The following YTHDC2 variants were observed in gnomAD, a reference collection of about 807,000 sequenced individuals.
YTHDC2 encodes YTH N6-methyladenosine RNA binding protein C2.
YTHDC2 carries 45 observed loss-of-function variants against 174.9 expected under a neutral mutation model. The ratio of observed to expected loss-of-function variants is 0.26; its 90% CI spans 0.20 to 0.33. The LOEUF (loss-of-function observed/expected upper bound fraction) is 0.33. Ranked by LOEUF, YTHDC2 falls within the 10% of genes least tolerant of loss-of-function variation. YTHDC2 has a pLI of 1.00. For synonymous variants in YTHDC2, 657 were observed against 574.5 expected, an observed-to-expected ratio of 1.14 and a Z score of -2.05; for missense variants, 1,650 against 1,723.7, an observed-to-expected ratio of 0.96 and a Z score of 0.76.
intron 21 of YTHDC2, 22 bp downstream of exon 21, chr5:113,566,041 G>A (rs1384392265): frequency 6.3e-7 from 1 of 1,583,936 alleles, no homozygotes; most frequent in East Asian, 2.3e-5. Flanking sequence ...CCCTCAAAGA[G>A]CCTATTTAAG....
Position 113,524,989 on chromosome 5 carries a change from C to T in YTHDC2, c.287C>T (p.Ala96Val). Residue 96 changes from alanine (A) to valine (V), a missense_variant, in exon 3 of 30, where the codon GCA becomes GTA. By Grantham distance (64) the Ala-to-Val change is moderately conservative. This residue lies in a region of YTHDC2 where 304 missense variants were observed against 341.4 expected (regional missense o/e 0.89). Coordinates refer to ENST00000161863, the MANE Select transcript of YTHDC2 (RefSeq NM_022828.5). ...GLVSKSKGKG[A>V]NRYLTVKKKD... ...TTTTTATTAATATTCAGAAAGGGAG[C>T]AAATAGATACCTAACTGTGAAGAAG... The T allele has an allele frequency of 6.3e-7, 1 of 1,595,238 alleles. No individual in the cohort carries two copies.
At chr5:113,533,275 G>T (rs938853696) in intron 5 of YTHDC2, among the ~76,000 whole-genome samples, 1 of 152,136 alleles carries the variant, frequency 6.6e-6, no homozygotes, top group Non-Finnish European at 1.5e-5. Flanking sequence ...GGACGCGGTG[G>T]CTCATGCCTG....
In YTHDC2 at chr5:113,592,049, C is replaced by G. The variant is rs375392392; in HGVS notation, c.4083C>G (p.Gly1361=). 1 of 1,612,764 alleles carries G rather than the reference C, an allele frequency of 6.2e-7. No homozygotes were observed. Among genetic ancestry groups the G allele is most frequent in the East Asian group, 2.2e-5 (1 of 44,822 alleles). ...EIGREKSQDW[G]SAGLGGVFKV... ...GAAGGGAAAAGAGTCAGGACTGGGGCTCTGCTGGACTAGGAGGAGTATTTA... is the reference window on the plus strand; with the variant it reads ...GAAGGGAAAAGAGTCAGGACTGGGGGTCTGCTGGACTAGGAGGAGTATTTA... The change falls in exon 28 of 30, where the codon GGC becomes GGG. Residue 1361 remains glycine, a synonymous_variant. Coordinates refer to ENST00000161863, the MANE Select transcript of YTHDC2 (RefSeq NM_022828.5).
chr5:113,579,790 C>T, intron 24 of YTHDC2, 95 bp downstream of exon 24: 1 of 1,348,630 alleles, frequency 7.4e-7, no homozygotes, highest in Non-Finnish European at 9.6e-7. Context: ...ACTATTGAGC[C>T]CTTAGTATCA....
intron 10 of YTHDC2, among the ~76,000 whole-genome samples, chr5:113,542,939 A>G (rs113257253): frequency 2.6e-5 from 4 of 152,238 alleles, no homozygotes; most frequent in African/African-American, 9.6e-5. Context: ...CCAGTATTTC[A>G]TACTTGGCTT....
intron 23 of YTHDC2, among the ~76,000 whole-genome samples, chr5:113,570,430 A>G (rs374668519): frequency 4.6e-5 from 7 of 151,966 alleles, no homozygotes; most frequent in African/African-American, 1.7e-4. Context: ...TTTTGTTGCA[A>G]TTGTGAATGT....
At position 113,518,556 on chromosome 5, in the gene YTHDC2, CGTGTGTGTGT is replaced by C. The variant is rs67062871; in HGVS notation, c.278+3229_278+3238del. Among the ~76,000 whole-genome samples, 1,026 of 144,536 alleles carry C rather than the reference CGTGTGTGTGT, an allele frequency of 7.1e-3. 9 individuals are homozygous for C. The highest frequency in any genetic ancestry group is 0.063 in the East Asian group (296 of 4,718). 94.8% of individuals were successfully genotyped at this position (144,536 alleles called of 152,430 possible). The stretch of plus-strand genomic sequence containing the variant: ...TTTATTGATTCAGTAAGTTAGTTTT[CGTGTGTGTGT>C]GTGTGTGTGTGTGTGTGTGTGTGTG... On this transcript the variant is annotated intron_variant, in intron 2 of 29. Coordinates refer to ENST00000161863, the MANE Select transcript of YTHDC2 (RefSeq NM_022828.5).
chr5:113,525,369 GT>G (rs566077626), intron 3 of YTHDC2, among the ~76,000 whole-genome samples, 192 bp downstream of exon 3: 43 of 146,554 alleles, frequency 2.9e-4, no homozygotes, highest in South Asian at 2.2e-3. Context: ...GTTGAACCAA[GT>G]TTTTTTTTTT....
At chr5:113,528,313 T>C (rs1011637948) in intron 4 of YTHDC2, among the ~76,000 whole-genome samples, 2 of 152,180 alleles carry the variant, frequency 1.3e-5, no homozygotes, top group African/African-American at 4.8e-5. Flanking sequence ...ATTTAATGAG[T>C]TCAAACCTGA....
intron 23 of YTHDC2, among the ~76,000 whole-genome samples, chr5:113,574,856 C>T (rs1049597194): frequency 1.1e-4 from 17 of 152,222 alleles, no homozygotes; most frequent in African/African-American, 3.1e-4. Context: ...ACACTCCACA[C>T]AGATCTGTGG....
intron 12 of YTHDC2, among the ~76,000 whole-genome samples, chr5:113,549,779 T>C (rs1180071303): frequency 6.6e-6 from 1 of 152,020 alleles, no homozygotes; most frequent in Non-Finnish European, 1.5e-5. Context: ...CTATGTAATA[T>C]ACTTGTTCAC....
intron 2 of YTHDC2, among the ~76,000 whole-genome samples, chr5:113,518,186 C>T (rs935523537): frequency 1.3e-4 from 18 of 136,748 alleles, no homozygotes; most frequent in Admixed American, 4.6e-4. Context: ...CTGCACCTGG[C>T]GTTTTTTTGT....
rs746416021 is a variant in YTHDC2 at position 113,584,363 on chromosome 5, A to G, written c.3709A>G (p.Ile1237Val). ...HPPQKYKDRG[I>V]LHPKRGTEDR... The stretch of plus-strand genomic sequence containing the variant: ...ACCTCAGAAGTACAAAGATAGAGGA[A>G]TTTTACATCCTAAACGAGGTACTGA... The change falls in exon 26 of 30, where the codon ATT (isoleucine) becomes GTT (valine). Residue 1237 changes from isoleucine to valine, a missense_variant. Transcript: ENST00000161863. 2.5e-5 allele frequency: 40 copies of G among 1,613,886 alleles called. No individual in the cohort carries two copies. In the African/African-American group the frequency reaches 4.8e-4, roughly 19 times the overall value.
At chr5:113,564,350 A>G (rs1321773689) in intron 20 of YTHDC2, among the ~76,000 whole-genome samples, 2 of 152,140 alleles carry the variant, frequency 1.3e-5, no homozygotes, top group South Asian at 2.1e-4. Flanking sequence ...TTATAGGAAT[A>G]TATGTGTGTA....
intron 23 of YTHDC2, among the ~76,000 whole-genome samples, chr5:113,574,771 C>T (rs978801030): frequency 6.6e-6 from 1 of 151,536 alleles, no homozygotes; most frequent in Non-Finnish European, 1.5e-5. Context: ...AGATTTCCTG[C>T]CTTGCTAGGG....
chr5:113,581,160 T>C (rs1389734550), intron 24 of YTHDC2: 1 of 315,482 alleles, frequency 3.2e-6, no homozygotes, highest in East Asian at 5.8e-5. Context: ...TTTCCAGTAT[T>C]AATCACACTC....
At position 113,553,643 on chromosome 5, in the gene YTHDC2, C is replaced by T. The variant is rs749512675; in HGVS notation, c.1921C>T (p.Arg641Cys). 4.3e-6 allele frequency: 7 copies of T among 1,613,358 alleles called. No individual in the cohort carries two copies. The highest frequency in any genetic ancestry group is 4.0e-5 in the African/African-American group (3 of 74,866). The change falls in exon 14 of 30, where the codon CGC becomes TGC. Residue 641 changes from arginine to cysteine, a missense_variant. Coordinates refer to ENST00000161863, the MANE Select transcript of YTHDC2 (RefSeq NM_022828.5). ...GYDEIVGLRDRILFDDKRFAD... is the reference protein window; with the variant it reads ...GYDEIVGLRDCILFDDKRFAD... ...TGACGAAATTGTTGGACTGAGAGAT[C>T]GCATCCTGTTTGATGACAAGCGGTT... is the stretch of plus-strand genomic sequence containing the variant.
In YTHDC2 at chr5:113,513,909, G is replaced by A. The variant is rs1389982445; in HGVS notation, c.14G>A (p.Ser5Asn). The A allele has an allele frequency of 1.2e-6, 2 of 1,604,806 alleles. No homozygotes were observed. The highest frequency in any genetic ancestry group is 8.5e-7 in the Non-Finnish European group (1 of 1,176,490). MSRP[S>N]SVSPRQPAPG... ...CTCTTCAGGGCAATGTCCAGGCCGA[G>A]CAGCGTCTCCCCGCGGCAGCCGGCT... Residue 5 changes from serine (S) to asparagine (N), a missense_variant, in exon 1 of 30, where the codon AGC becomes AAC. By Grantham distance (46) the Ser-to-Asn change is conservative (BLOSUM62 1). Around this residue, in one of 5 missense-constraint regions of YTHDC2, gnomAD observed 304 missense variants for 341.4 expected, o/e 0.89. Coordinates refer to ENST00000161863, the MANE Select transcript of YTHDC2 (RefSeq NM_022828.5).
At chr5:113,587,938 C>T (rs1187461667) in intron 26 of YTHDC2, among the ~76,000 whole-genome samples, 1 of 151,956 alleles carries the variant, frequency 6.6e-6, no homozygotes, top group Non-Finnish European at 1.5e-5. Context: ...TTTCTCTCAA[C>T]AATGTTTTAT....
Sources: gnomAD v4.1 joint callset for allele counts (sites outside exome capture counted in the v4.1 genomes callset) on GRCh38, gnomAD v4.1.1 for gene constraint, gnomAD v4.1.1 regional missense constraint, MANE v1.5 for transcripts, NCBI Gene and HGNC (gene_info 2026-07-23, HGNC 2026-07-21) for gene names.